The following ARHGEF33 variants were observed in gnomAD, a reference collection of about 807,000 sequenced individuals.
ARHGEF33 encodes the protein DH and coiled-coil domain-containing protein ENSP00000381780.
ARHGEF33 carries 72 observed loss-of-function variants against 101.9 expected under a neutral mutation model. The observed-to-expected ratio is 0.71, with a 90% CI of 0.58 to 0.86. ARHGEF33 has a LOEUF of 0.86. ARHGEF33 is among the 40% of genes least tolerant of loss of function. ARHGEF33 has a pLI of 0.00. For missense variants in ARHGEF33, 1,169 were observed against 1,111.3 expected, an observed-to-expected ratio of 1.05 and a Z score of -0.74; for synonymous variants, 499 against 442.5, an observed-to-expected ratio of 1.13 and a Z score of -1.60.
intron 13 of ARHGEF33, among the ~76,000 whole-genome samples, chr2:38,955,822 G>A (rs538859435): frequency 3.3e-5 from 5 of 151,668 alleles, no homozygotes; most frequent in Non-Finnish European, 5.9e-5. Flanking sequence ...GACTACAGGC[G>A]CCCACCACCA....
At chr2:38,922,630 C>G (rs566051923) in intron 4 of ARHGEF33, among the ~76,000 whole-genome samples, 8 of 152,292 alleles carry the variant, frequency 5.3e-5, no homozygotes, top group African/African-American at 1.9e-4. Flanking sequence ...TGTGTAAAGT[C>G]TACTGCTTGG....
intron 1 of ARHGEF33, among the ~76,000 whole-genome samples, chr2:38,891,499 A>C (rs75273423): frequency 6.8e-6 from 1 of 147,984 alleles, no homozygotes; most frequent in Non-Finnish European, 1.5e-5. Context: ...CCATTTCTGC[A>C]AAAAAAAAAG....
Position 38,973,702 on chromosome 2 carries a change from C to A in ARHGEF33, c.2484-12C>A. ...AATCAACCTGTACTTTATCTGTGTG[C>A]TGAGATTTTAGGTCCAGTGGATCAG... On this transcript the variant is annotated splice_polypyrimidine_tract_variant and intron_variant, in intron 17 of 17. Coordinates refer to ENST00000409978, the MANE Select transcript of ARHGEF33 (RefSeq NM_001145451.5). 1 of 1,524,334 alleles carries A rather than the reference C, an allele frequency of 6.6e-7. No individual in the cohort carries two copies. The highest frequency in any genetic ancestry group is 8.8e-7 in the Non-Finnish European group (1 of 1,134,196). 94.4% of individuals were successfully genotyped at this position (1,524,334 alleles called of 1,614,324 possible). A position where few individuals can be genotyped will look rare whatever the true frequency, so the allele number is the denominator to read the frequency against.
intron 13 of ARHGEF33, 50 bp downstream of exon 13, chr2:38,954,506 A>G (rs1667690803): frequency 1.7e-6 from 2 of 1,153,754 alleles, no homozygotes; most frequent in Admixed American, 4.0e-5. Context: ...CTAAGTAATT[A>G]TTGGTTTTGG....
chr2:38,931,421 G>C, intron 7 of ARHGEF33, 170 bp downstream of exon 7: 1 of 559,652 alleles, frequency 1.8e-6, no homozygotes, highest in South Asian at 3.3e-5. Flanking sequence ...GAGACCACAA[G>C]AGTGCCCAGT....
At chr2:38,951,690 T>C (rs1324208927) in intron 11 of ARHGEF33, among the ~76,000 whole-genome samples, 4 of 152,086 alleles carry the variant, frequency 2.6e-5, no homozygotes, top group African/African-American at 9.7e-5. Context: ...TGCATCTGTG[T>C]GTATATATAC....
At chr2:38,941,068 A>C (rs2124398318) in intron 9 of ARHGEF33, among the ~76,000 whole-genome samples, 1 of 152,292 alleles carries the variant, frequency 6.6e-6, no homozygotes, top group East Asian at 1.9e-4. Context: ...GAAGTTACAA[A>C]TCTTGCCACC....
chr2:38,937,292 A>G (rs1667165722), intron 8 of ARHGEF33, 43 bp from the exon 9 acceptor site: 1 of 873,748 alleles, frequency 1.1e-6, no homozygotes. Context: ...AGATTTTGAT[A>G]GCAGTTTTCT....
chr2:38,920,940 G>A (rs186330204), intron 3 of ARHGEF33, among the ~76,000 whole-genome samples: 17 of 152,290 alleles, frequency 1.1e-4, no homozygotes, highest in Non-Finnish European at 2.2e-4. Flanking sequence ...GGTGGGAGAA[G>A]TAGAGGATAT....
chr2:38,907,618 A>C (rs757567979), intron 2 of ARHGEF33, among the ~76,000 whole-genome samples: 3 of 152,112 alleles, frequency 2.0e-5, no homozygotes, highest in Non-Finnish European at 4.4e-5. Flanking sequence ...AAGTTTTTCC[A>C]TGTTAATGTA....
chr2:38,901,108 T>C (rs901513478), intron 2 of ARHGEF33, among the ~76,000 whole-genome samples: 1 of 152,194 alleles, frequency 6.6e-6, no homozygotes, highest in African/African-American at 2.4e-5. Flanking sequence ...CACACACACC[T>C]GCCCTCAAGG....
In ARHGEF33 at chr2:38,949,251, G is replaced by T. The variant is rs183095136; in HGVS notation, c.921-1738G>T. ...CACGAGTTTACTCTCATTTGACCCT[G>T]GGGAAATATTCAAGTAAGTTCAGAT... On this transcript the variant is annotated intron_variant, in intron 10 of 17. Transcript: ENST00000409978. Among the ~76,000 whole-genome samples, 471 of 152,250 alleles carry T rather than the reference G, an allele frequency of 3.1e-3. 2 individuals are homozygous for T. Among genetic ancestry groups the T allele is most frequent in the African/African-American group, 0.011 (445 of 41,532 alleles).
chr2:38,963,723 A>G (rs943678175), intron 16 of ARHGEF33, among the ~76,000 whole-genome samples: 1 of 152,166 alleles, frequency 6.6e-6, no homozygotes, highest in Non-Finnish European at 1.5e-5. Flanking sequence ...TTGCCTGGGA[A>G]CTTGTTATAG....
chr2:38,963,495 G>T (rs1288760456), intron 16 of ARHGEF33, among the ~76,000 whole-genome samples: 1 of 152,174 alleles, frequency 6.6e-6, no homozygotes, highest in African/African-American at 2.4e-5. Context: ...TGGCTTCTCT[G>T]TGCCTCCAGT....
chr2:38,916,992 G>T (rs2124989608), intron 2 of ARHGEF33, among the ~76,000 whole-genome samples: 1 of 151,702 alleles, frequency 6.6e-6, no homozygotes, highest in South Asian at 2.1e-4. Flanking sequence ...TAGAGACAGG[G>T]TTTCTCCATG....
rs765913046 is a variant in ARHGEF33, at chr2:38,965,991, C to T, written c.2344-15C>T. ...GGAAGGAGTAAAGAAAAAAATCCCT[C>T]TTTTTTGTTTCCAGGAGATGCATTT... On this transcript the variant is annotated splice_polypyrimidine_tract_variant and intron_variant, in intron 16 of 17. Coordinates refer to ENST00000409978, the MANE Select transcript of ARHGEF33 (RefSeq NM_001145451.5). 4 of 1,550,218 alleles carry T rather than the reference C, an allele frequency of 2.6e-6. No individual in the cohort carries two copies. The African/African-American group carries it at 5.5e-5, about 21-fold the overall frequency.
At chr2:38,971,329 A>G (rs1018279661) in intron 17 of ARHGEF33, among the ~76,000 whole-genome samples, 1 of 152,158 alleles carries the variant, frequency 6.6e-6, no homozygotes, top group Non-Finnish European at 1.5e-5. Flanking sequence ...AAATACTTGG[A>G]TGGTTATGTG....
intron 13 of ARHGEF33, among the ~76,000 whole-genome samples, chr2:38,956,467 C>A (rs538624920): frequency 6.6e-5 from 10 of 152,192 alleles, no homozygotes; most frequent in Non-Finnish European, 1.5e-4. Context: ...TACAGCACAG[C>A]GGGGAATGTA....
At chr2:38,950,956 G>A (rs971438743) in intron 10 of ARHGEF33, 33 bp from the exon 11 acceptor site, 1 of 1,547,262 alleles carries the variant, frequency 6.5e-7, no homozygotes, top group Non-Finnish European at 8.7e-7. Context: ...TCTACACCTT[G>A]TTTGTGTGAT....
Sources: gnomAD v4.1 joint callset for allele counts (sites outside exome capture counted in the v4.1 genomes callset) on GRCh38, gnomAD v4.1.1 for gene constraint, MANE v1.5 for transcripts, NCBI Gene and HGNC (gene_info 2026-07-23, HGNC 2026-07-21) for gene names.